The following NLGN4X variants were observed in gnomAD, a reference collection of about 807,000 sequenced individuals.
NLGN4X encodes neuroligin 4 X-linked, also known as neuroligin-4, X-linked.
Under a neutral mutation model 40.3 loss-of-function variants are expected in NLGN4X, and 3 were observed. That is an observed-to-expected ratio of 0.07 (90% CI 0.03 to 0.19). NLGN4X has a LOEUF of 0.19. Among genes scored for constraint, NLGN4X ranks in the 10% least tolerant of loss-of-function variants. The probability of loss-of-function intolerance (pLI) is 1.00; values close to 1 mark genes in which losing one functional copy is unlikely to be tolerated. For synonymous variants in NLGN4X, 270 were observed against 306.8 expected (o/e 0.88, Z 1.25); for missense variants, 382 against 708.3 (o/e 0.54, Z 5.23).
intron 3 of NLGN4X, among the ~76,000 whole-genome samples, chrX:5,943,959 G>A (rs953757469): frequency 3.6e-5 from 4 of 112,102 alleles, no homozygotes; most frequent in African/African-American, 1.3e-4. Flanking sequence ...ACATGATGGA[G>A]ATAACCCAGA....
chrX:5,910,484 T>C (rs1232058012), intron 3 of NLGN4X, among the ~76,000 whole-genome samples: 2 of 111,512 alleles, frequency 1.8e-5, no homozygotes, highest in African/African-American at 6.5e-5. Flanking sequence ...TGCAGTCATG[T>C]TTGTATGAAG....
At chrX:6,029,485 C>A (rs2036797996) in intron 2 of NLGN4X, 53 bp from the exon 3 acceptor site, 1 of 1,126,476 alleles carries the variant, frequency 8.9e-7, no homozygotes, top group Non-Finnish European at 1.2e-6. Flanking sequence ...ACTGACTCAC[C>A]AATGCTAAAT....
chrX:5,909,350 A>C, intron 3 of NLGN4X, 111 bp from the exon 4 acceptor site: 1 of 893,071 alleles, frequency 1.1e-6, no homozygotes, highest in Non-Finnish European at 1.6e-6. Context: ...CTCTCTCCTC[A>C]ACTCTCACCC....
intron 2 of NLGN4X, among the ~76,000 whole-genome samples, chrX:6,055,629 G>T (rs940080169): frequency 2.0e-5 from 2 of 97,687 alleles, no homozygotes; most frequent in African/African-American, 7.3e-5. Context: ...AATAAAAGTT[G>T]AAATTTTAAA....
chrX:6,219,538 TTTCTC>T (rs1925447219), intron 1 of NLGN4X, among the ~76,000 whole-genome samples: 2 of 100,443 alleles, frequency 2.0e-5, no homozygotes, highest in South Asian at 9.9e-4. Flanking sequence ...CTTCCTTCCT[TTTCTC>T]TTTTCTTTCT....
intron 3 of NLGN4X, among the ~76,000 whole-genome samples, chrX:6,011,552 T>C (rs1208377309): frequency 9.0e-6 from 1 of 110,532 alleles, no homozygotes; most frequent in Non-Finnish European, 1.9e-5. Flanking sequence ...AAGAAAAATA[T>C]CTCTCCACCG....
chrX:6,226,322 G>A (rs1405015177), intron 1 of NLGN4X, among the ~76,000 whole-genome samples: 1 of 103,550 alleles, frequency 9.7e-6, no homozygotes, highest in Non-Finnish European at 2.0e-5. Flanking sequence ...CCCGCAGTCC[G>A]GAAAAAAAAA....
At chrX:6,069,955 C>A (rs937284709) in intron 2 of NLGN4X, among the ~76,000 whole-genome samples, 2 of 111,785 alleles carry the variant, frequency 1.8e-5, no homozygotes, top group African/African-American at 6.5e-5. Context: ...CACATACACC[C>A]AAGTCTTTAT....
chrX:6,048,787 T>C (rs910303290), intron 2 of NLGN4X, among the ~76,000 whole-genome samples: 5 of 102,838 alleles, frequency 4.9e-5, no homozygotes, highest in Non-Finnish European at 9.8e-5. Context: ...AAGTGGGAGC[T>C]GAACAATTGG....
intron 1 of NLGN4X, among the ~76,000 whole-genome samples, chrX:6,164,449 G>C (rs917521937): frequency 8.9e-6 from 1 of 112,212 alleles, no homozygotes; most frequent in African/African-American, 3.2e-5. Flanking sequence ...AAATAGCACA[G>C]TTTAACCTGC....
intron 2 of NLGN4X, among the ~76,000 whole-genome samples, chrX:6,072,148 T>C (rs1262064763): frequency 9.0e-6 from 1 of 111,521 alleles, no homozygotes; most frequent in Non-Finnish European, 1.9e-5. Flanking sequence ...GAGATCTTAC[T>C]GTCTGATTAT....
rs781629468 is a variant in NLGN4X, at chrX:6,150,947, T to C, written c.472+48A>G. ...ATAAAACCCTCCTAGCAAATCTCTC[T>C]ACACACTGCACAAGAGGTATTGTTT... On this transcript the variant is annotated intron_variant, in intron 2 of 5. Transcript: ENST00000381095. 1.1e-5 allele frequency: 11 copies of C among 1,046,982 alleles called. No individual in the cohort carries two copies. In the Admixed American group the frequency reaches 2.2e-4, roughly 21 times the overall value. The allele number at this position is 1,046,982 out of a possible 1,213,427, so 86.3% of individuals were successfully genotyped here. A position where few individuals can be genotyped will look rare whatever the true frequency, so the allele number is the denominator to read the frequency against.
At position 6,222,755 on chromosome X, in the gene NLGN4X, G is replaced by A. The variant is rs183042945; in HGVS notation, c.-306+5786C>T. On this transcript the variant is annotated intron_variant, in intron 1 of 5. Coordinates refer to ENST00000381095, the MANE Select transcript of NLGN4X (RefSeq NM_181332.3). ...CCACGTGTCGTGGAGGGATGTGGTGGGAAGTAATTGAATCATGGGGGCAGT... is the reference window on the plus strand; with the variant it reads ...CCACGTGTCGTGGAGGGATGTGGTGAGAAGTAATTGAATCATGGGGGCAGT... Among the ~76,000 whole-genome samples, 4 of 112,210 alleles carry A rather than the reference G, an allele frequency of 3.6e-5. No individual in the cohort carries two copies. In the Admixed American group the frequency reaches 3.7e-4, roughly 11 times the overall value.
chrX:6,197,445 A>ATTTTTTTTT (rs1430016429), intron 1 of NLGN4X, among the ~76,000 whole-genome samples: 1 of 86,705 alleles, frequency 1.2e-5, no homozygotes, highest in Admixed American at 1.3e-4. Flanking sequence ...TTTTTTTTGT[A>ATTTTTTTTT]TTTTTTATAG....
chrX:6,175,625 C>T (rs1418666825), intron 1 of NLGN4X, among the ~76,000 whole-genome samples: 1 of 89,224 alleles, frequency 1.1e-5, no homozygotes, highest in African/African-American at 4.6e-5. Flanking sequence ...TGTTTTTCAA[C>T]CCCTTCAAGT....
intron 1 of NLGN4X, among the ~76,000 whole-genome samples, chrX:6,209,114 T>C (rs1445459481): frequency 8.9e-6 from 1 of 111,784 alleles, no homozygotes; most frequent in Non-Finnish European, 1.9e-5. Flanking sequence ...TTACCTTAAG[T>C]GAAACAACTC....
In NLGN4X at chrX:6,228,740, G is replaced by T. The variant is rs755890454; in HGVS notation, c.-505C>A. On this transcript the variant is annotated 5_prime_UTR_variant, in exon 1 of 6. Coordinates refer to ENST00000381095, the MANE Select transcript of NLGN4X (RefSeq NM_181332.3). ...ACACCGCCTAGTTTGGAGGAAATTCGTTGTTTCTGCCGCCAATAGTCTGTG... is the reference window on the plus strand; with the variant it reads ...ACACCGCCTAGTTTGGAGGAAATTCTTTGTTTCTGCCGCCAATAGTCTGTG... 4 of 111,806 alleles carry T rather than the reference G, an allele frequency of 3.6e-5. No homozygotes were observed. Among genetic ancestry groups the T allele is most frequent in the African/African-American group, 1.3e-4 (4 of 30,732 alleles). 9.2% of individuals were successfully genotyped at this position (111,806 alleles called of 1,213,427 possible). A position where few individuals can be genotyped will look rare whatever the true frequency, so the allele number is the denominator to read the frequency against.
chrX:5,961,498 T>A (rs888184180), intron 3 of NLGN4X, among the ~76,000 whole-genome samples: 1 of 112,115 alleles, frequency 8.9e-6, no homozygotes, highest in Non-Finnish European at 1.9e-5. Flanking sequence ...CAGAAAACCT[T>A]GCACAGGTTG....
intron 2 of NLGN4X, among the ~76,000 whole-genome samples, chrX:6,051,577 T>C (rs939047214): frequency 9.3e-6 from 1 of 107,770 alleles, no homozygotes; most frequent in Non-Finnish European, 1.9e-5. Flanking sequence ...CCCCAGAAAG[T>C]AGGAGAGAGA....
Sources: allele counts gnomAD v4.1 joint callset (sites outside exome capture counted in the v4.1 genomes callset), GRCh38; gene constraint gnomAD v4.1.1; transcripts MANE v1.5; gene names NCBI Gene and HGNC (gene_info 2026-07-23, HGNC 2026-07-21).